TNRC18: variants seen among roughly 807,000 people sequenced by gnomAD.
TNRC18 encodes trinucleotide repeat containing 18, also known as trinucleotide repeat-containing gene 18 protein.
In TNRC18, 69 loss-of-function variants were observed where a neutral mutation model predicts 226.7. That is an observed-to-expected ratio of 0.30 (90% CI 0.25 to 0.37). The LOEUF (loss-of-function observed/expected upper bound fraction) is 0.37. Among genes scored for constraint, TNRC18 ranks in the 10% least tolerant of loss-of-function variants. TNRC18 has a pLI of 1.00. For synonymous variants in TNRC18, 2,449 were observed against 1,927.6 expected (o/e 1.27, Z -7.09); for missense variants, 4,754 against 4,256.6 (o/e 1.12, Z -3.25).
chr7:5,340,773 G>T (rs895340495), intron 18 of TNRC18, among the ~76,000 whole-genome samples: 1 of 151,518 alleles, frequency 6.6e-6, no homozygotes, highest in Non-Finnish European at 1.5e-5. Context: ...AAGGAAAGAA[G>T]CCGTCTCCAT....
chr7:5,345,756 GCCTCGTCCTCCT>G lies in TNRC18; in HGVS notation c.5513_5524del (p.Glu1838_Glu1841del). The G allele has an allele frequency of 6.5e-7, 1 of 1,548,274 alleles. No individual in the cohort carries two copies. Among genetic ancestry groups the G allele is most frequent in the Non-Finnish European group, 8.7e-7 (1 of 1,146,860 alleles). On this transcript the variant is annotated inframe_deletion, in exon 18 of 30. Transcript: ENST00000430969. ...ACCCAGCCTGTAGCCACCACCGCTG[GCCTCGTCCTCCT>G]CCTCGAGCTCCTCCTCCTCGTCCTC... is the stretch of plus-strand genomic sequence containing the variant.
chr7:5,404,721 A>G (rs1383956847), intron 2 of TNRC18, among the ~76,000 whole-genome samples: 2 of 151,864 alleles, frequency 1.3e-5, no homozygotes, highest in African/African-American at 4.8e-5. Flanking sequence ...CAGATTCCAT[A>G]TGCAATCCCC....
intron 14 of TNRC18, among the ~76,000 whole-genome samples, chr7:5,361,127 C>T (rs1055226889): frequency 5.9e-5 from 9 of 152,294 alleles, no homozygotes; most frequent in Admixed American, 2.0e-4. Flanking sequence ...GACCGCCGCC[C>T]GAGGAGGAGA....
In TNRC18 at chr7:5,351,805, T is replaced by C; in HGVS notation, c.5470+14A>G. 2 of 1,565,140 alleles carry C rather than the reference T, an allele frequency of 1.3e-6. No homozygotes were observed. Among genetic ancestry groups the C allele is most frequent in the Non-Finnish European group, 1.7e-6 (2 of 1,156,956 alleles). On this transcript the variant is annotated intron_variant, in intron 17 of 29. Transcript: ENST00000430969. Reference sequence around the variant, plus strand: ...AGGAAACACGGAAGGTATTTTGTGTTTGGAGCTAGTAACCTTGGTCAAACG... The same window carrying C: ...AGGAAACACGGAAGGTATTTTGTGTCTGGAGCTAGTAACCTTGGTCAAACG...
Position 5,308,877 on chromosome 7 carries a change from C to T in TNRC18, c.8698G>A (p.Glu2900Lys), listed in dbSNP as rs1213229567. ...RVSSQRKDFM[E>K]RALYQSSHVD... ...CCACCACCACCACCACCACCTACCTCCATGAAGTCCTTCCTCTGGCTGGAG... is the reference window on the plus strand; with the variant it reads ...CCACCACCACCACCACCACCTACCTTCATGAAGTCCTTCCTCTGGCTGGAG... The change falls in exon 29 of 30, where the codon GAG (glutamate) becomes AAG (lysine). Residue 2900 changes from glutamate (E) to lysine (K), a missense_variant and splice_region_variant. Physicochemically the swap from Glu to Lys is moderately conservative, Grantham distance 56. Transcript: ENST00000430969. The T allele has an allele frequency of 6.7e-7, 1 of 1,499,730 alleles. No homozygotes were observed. Among genetic ancestry groups the T allele is most frequent in the Non-Finnish European group, 9.0e-7 (1 of 1,106,446 alleles). The allele number at this position is 1,499,730 out of a possible 1,614,324, so 92.9% of individuals were successfully genotyped here. A position where few individuals can be genotyped will look rare whatever the true frequency, so the allele number is the denominator to read the frequency against.
At chr7:5,314,921 C>CG in intron 26 of TNRC18, 63 bp downstream of exon 26, 2 of 1,512,660 alleles carry the variant, frequency 1.3e-6, no homozygotes, top group Non-Finnish European at 1.8e-6. Context: ...TTCCCAAGCC[C>CG]TGAGTTTGGA....
chr7:5,317,068 T>C (rs972865469), intron 24 of TNRC18, among the ~76,000 whole-genome samples: 7 of 152,156 alleles, frequency 4.6e-5, no homozygotes, highest in African/African-American at 1.7e-4. Context: ...CAGATGCTGG[T>C]ACTATATCCC....
chr7:5,337,919 A>C (rs1168642689), intron 18 of TNRC18, among the ~76,000 whole-genome samples: 1 of 151,442 alleles, frequency 6.6e-6, no homozygotes, highest in Non-Finnish European at 1.5e-5. Context: ...GGAGACGGAG[A>C]TTGCAGTGAG....
chr7:5,356,709 A>C (rs1792434594), intron 16 of TNRC18, among the ~76,000 whole-genome samples: 1 of 152,112 alleles, frequency 6.6e-6, no homozygotes, highest in South Asian at 2.1e-4. Flanking sequence ...CACACCCGCC[A>C]GTCACAGGCA....
chr7:5,308,089 C>A lies in TNRC18; in HGVS notation c.*17G>T, dbSNP rs370935485. ...GGCCGCCCTCGGGGCACAGGTGGCC[C>A]GCAGGGCCCGGCGGGCTCAGCAGAG... On this transcript the variant is annotated 3_prime_UTR_variant, in exon 30 of 30. Transcript: ENST00000430969. The A allele has an allele frequency of 4.7e-5, 72 of 1,543,684 alleles. 1 individual carries two copies. In the South Asian group the frequency reaches 8.0e-4, roughly 17 times the overall value.
chr7:5,339,243 G>GA (rs1271434151), intron 18 of TNRC18, among the ~76,000 whole-genome samples: 2 of 140,910 alleles, frequency 1.4e-5, no homozygotes, highest in African/African-American at 5.2e-5. Context: ...TTTTTTTTGT[G>GA]TTTTTTTGTT....
At chr7:5,344,222 T>C (rs1317535148) in intron 18 of TNRC18, among the ~76,000 whole-genome samples, 1 of 152,132 alleles carries the variant, frequency 6.6e-6, no homozygotes, top group Non-Finnish European at 1.5e-5. Context: ...GACAGGATAA[T>C]GTTGTCCAAG....
chr7:5,351,447 C>T (rs974563618), intron 17 of TNRC18, among the ~76,000 whole-genome samples: 2 of 124,318 alleles, frequency 1.6e-5, no homozygotes, highest in African/African-American at 6.0e-5. Flanking sequence ...CGAACCAAGC[C>T]TGGGGTCTCT....
intron 14 of TNRC18, 48 bp downstream of exon 14, chr7:5,361,546 C>A: frequency 6.9e-7 from 1 of 1,445,902 alleles, no homozygotes; most frequent in Non-Finnish European, 9.1e-7. Context: ...CGGGCTCCTC[C>A]CCTCAAGCTG....
intron 11 of TNRC18, among the ~76,000 whole-genome samples, chr7:5,367,520 C>T (rs141832035): frequency 0.47 from 71,252 of 150,102 alleles, 17,096 homozygotes; most frequent in African/African-American, 0.55. Context: ...CTCCGCCTCC[C>T]AGGTTCAAGT....
At chr7:5,399,512 G>C (rs1780932779) in intron 2 of TNRC18, among the ~76,000 whole-genome samples, 1 of 151,912 alleles carries the variant, frequency 6.6e-6, no homozygotes, top group South Asian at 2.1e-4. Flanking sequence ...CAGGAGTTCA[G>C]CCTGGCAGAC....
chr7:5,406,231 G>A (rs1446357525), intron 2 of TNRC18, among the ~76,000 whole-genome samples: 2 of 152,082 alleles, frequency 1.3e-5, no homozygotes, highest in East Asian at 1.9e-4. Context: ...TTGGGAGGCC[G>A]ACGGGCAAAT....
chr7:5,314,805 T>C (rs950339700), intron 26 of TNRC18, among the ~76,000 whole-genome samples, 179 bp downstream of exon 26: 7 of 152,162 alleles, frequency 4.6e-5, no homozygotes, highest in African/African-American at 1.7e-4. Context: ...ACTCCTGACA[T>C]CAGCCGATCT....
chr7:5,382,198 G>A (rs1307439349), intron 5 of TNRC18, among the ~76,000 whole-genome samples: 1 of 152,106 alleles, frequency 6.6e-6, no homozygotes, highest in African/African-American at 2.4e-5. Flanking sequence ...TAACATGGAG[G>A]CGTCATGGCT....
Sources: gnomAD v4.1 joint callset for allele counts (sites outside exome capture counted in the v4.1 genomes callset) on GRCh38, gnomAD v4.1.1 for gene constraint, MANE v1.5 for transcripts, NCBI Gene and HGNC (gene_info 2026-07-23, HGNC 2026-07-21) for gene names.